HS3ST4: variants seen among roughly 807,000 people sequenced by gnomAD.
HS3ST4 encodes the protein heparan sulfate-glucosamine 3-sulfotransferase 4.
A neutral mutation model predicts 29.2 loss-of-function variants in HS3ST4; 17 were observed. The ratio of observed to expected loss-of-function variants is 0.58; its 90% confidence interval spans 0.40 to 0.87. The LOEUF (loss-of-function observed/expected upper bound fraction) is 0.87, where lower values mean the gene tolerates loss of function less well. Among genes scored for constraint, HS3ST4 ranks in the 40% least tolerant of loss-of-function variants. HS3ST4 has a pLI of 0.00. For missense variants in HS3ST4, 627 were observed against 634.5 expected (o/e 0.99, Z 0.13); for synonymous variants, 314 against 285.7 (o/e 1.10, Z -1.00).
intron 1 of HS3ST4, among the ~76,000 whole-genome samples, chr16:25,819,632 G>C (rs1319491726): frequency 6.6e-6 from 1 of 152,132 alleles, no homozygotes; most frequent in Non-Finnish European, 1.5e-5. Context: ...AGACACGTCC[G>C]GGAGGAAGTG....
chr16:25,710,808 CTTTTTTTTTT>C (rs34759495), intron 1 of HS3ST4, among the ~76,000 whole-genome samples: 4 of 48,522 alleles, frequency 8.2e-5, no homozygotes, highest in Admixed American at 4.0e-4. Context: ...GCATATTATC[CTTTTTTTTTT>C]TTTTTTTTTT....
intron 1 of HS3ST4, among the ~76,000 whole-genome samples, chr16:26,041,236 G>A (rs549635022): frequency 1.3e-5 from 2 of 151,954 alleles, no homozygotes; most frequent in East Asian, 1.9e-4. Flanking sequence ...CAGCTGCTCC[G>A]GAGGCTGAGG....
intron 1 of HS3ST4, among the ~76,000 whole-genome samples, chr16:25,991,884 G>A (rs1020348992): frequency 9.2e-5 from 14 of 151,832 alleles, no homozygotes; most frequent in Admixed American, 2.6e-4. Flanking sequence ...AGCCGGGCGT[G>A]GTGGTGGGTG....
chr16:25,805,202 A>AC (rs1966978191), intron 1 of HS3ST4, among the ~76,000 whole-genome samples: 1 of 152,236 alleles, frequency 6.6e-6, no homozygotes, highest in Non-Finnish European at 1.5e-5. Flanking sequence ...CGGCTGTAGC[A>AC]AGCCACAGAT....
chr16:26,055,800 T>C (rs1898399384), intron 1 of HS3ST4, among the ~76,000 whole-genome samples: 1 of 152,138 alleles, frequency 6.6e-6, no homozygotes, highest in Admixed American at 6.5e-5. Context: ...ATATTGTAGC[T>C]CACCTTGGCT....
At chr16:25,741,157 T>A (rs1470813641) in intron 1 of HS3ST4, among the ~76,000 whole-genome samples, 1 of 152,092 alleles carries the variant, frequency 6.6e-6, no homozygotes, top group Admixed American at 6.6e-5. Flanking sequence ...TCTTGAAACA[T>A]GTATTGTACG....
intron 1 of HS3ST4, among the ~76,000 whole-genome samples, chr16:26,029,225 A>G (rs1436466591): frequency 6.6e-6 from 1 of 152,216 alleles, no homozygotes; most frequent in Non-Finnish European, 1.5e-5. Context: ...GCTAAGAGTT[A>G]TGATGCTGTG....
intron 1 of HS3ST4, among the ~76,000 whole-genome samples, chr16:25,764,037 C>T (rs868507216): frequency 4.6e-5 from 7 of 152,218 alleles, no homozygotes; most frequent in Middle Eastern, 3.4e-3. Flanking sequence ...TCTAACGGAG[C>T]TGATGAAGGA....
intron 1 of HS3ST4, among the ~76,000 whole-genome samples, chr16:25,917,204 C>G (rs1968301803): frequency 6.6e-6 from 1 of 152,038 alleles, no homozygotes; most frequent in Non-Finnish European, 1.5e-5. Context: ...ATCACTCTTT[C>G]TATTTTTTGT....
At chr16:25,966,538 T>C (rs1207009885) in intron 1 of HS3ST4, among the ~76,000 whole-genome samples, 1 of 152,280 alleles carries the variant, frequency 6.6e-6, no homozygotes, top group Non-Finnish European at 1.5e-5. Flanking sequence ...TTCTTCTTCA[T>C]AGGTACCATG....
At chr16:25,849,953 CTTTGT>C (rs1408491313) in intron 1 of HS3ST4, among the ~76,000 whole-genome samples, 1 of 149,318 alleles carries the variant, frequency 6.7e-6, no homozygotes, top group Non-Finnish European at 1.5e-5. Context: ...TTTTGGATTA[CTTTGT>C]TTTGTTTTAT....
At chr16:25,890,445 C>T (rs903331497) in intron 1 of HS3ST4, among the ~76,000 whole-genome samples, 8 of 152,174 alleles carry the variant, frequency 5.3e-5, no homozygotes, top group African/African-American at 1.9e-4. Flanking sequence ...CAGTGCATGT[C>T]ATCTTAGCCA....
intron 1 of HS3ST4, among the ~76,000 whole-genome samples, chr16:25,711,146 A>G (rs1031967214): frequency 6.6e-6 from 1 of 152,036 alleles, no homozygotes; most frequent in Non-Finnish European, 1.5e-5. Flanking sequence ...CTTCTAGGGA[A>G]GTAAACCCAT....
intron 1 of HS3ST4, among the ~76,000 whole-genome samples, chr16:26,002,906 A>G (rs1181780209): frequency 6.6e-6 from 1 of 151,858 alleles, no homozygotes; most frequent in Non-Finnish European, 1.5e-5. Flanking sequence ...AAGTTTCAAG[A>G]GAAAAAAACT....
At chr16:25,725,678 A>G (rs984417957) in intron 1 of HS3ST4, among the ~76,000 whole-genome samples, 23 of 151,286 alleles carry the variant, frequency 1.5e-4, no homozygotes, top group Non-Finnish European at 1.9e-4. Flanking sequence ...TATAGAACTT[A>G]TATATTGCAA....
At chr16:25,956,281 T>A (rs2141699518) in intron 1 of HS3ST4, among the ~76,000 whole-genome samples, 1 of 152,336 alleles carries the variant, frequency 6.6e-6, no homozygotes, top group Non-Finnish European at 1.5e-5. Flanking sequence ...AGGCACCTTC[T>A]TTTCACTGCT....
intron 1 of HS3ST4, among the ~76,000 whole-genome samples, chr16:26,081,393 G>A (rs759809201): frequency 4.6e-5 from 7 of 152,100 alleles, no homozygotes; most frequent in Non-Finnish European, 7.4e-5. Flanking sequence ...TCTAAATATA[G>A]TAATTCACTC....
chr16:25,949,368 C>T (rs1968661704), intron 1 of HS3ST4, among the ~76,000 whole-genome samples: 1 of 152,156 alleles, frequency 6.6e-6, no homozygotes, highest in Admixed American at 6.5e-5. Flanking sequence ...ACAACAGCTC[C>T]ACCACTGCCC....
At chr16:25,872,932 G>A (rs1203093487) in intron 1 of HS3ST4, among the ~76,000 whole-genome samples, 1 of 152,028 alleles carries the variant, frequency 6.6e-6, no homozygotes, top group East Asian at 1.9e-4. Context: ...AATATCTCCT[G>A]TGGCTGGGCA....
Sources: allele counts gnomAD v4.1 joint callset (sites outside exome capture counted in the v4.1 genomes callset), GRCh38; gene constraint gnomAD v4.1.1; transcripts MANE v1.5; gene names NCBI Gene and HGNC (gene_info 2026-07-23, HGNC 2026-07-21).